AGBL4: variants seen among roughly 807,000 people sequenced by gnomAD.
AGBL4 encodes the protein cytosolic carboxypeptidase 6.
In AGBL4, 58 loss-of-function variants were observed where a neutral mutation model predicts 66.4. The ratio of observed to expected loss-of-function variants is 0.87; its 90% CI spans 0.71 to 1.09. The LOEUF is 1.09. Among genes scored for constraint, AGBL4 ranks in the 50% least tolerant of loss-of-function variants. The pLI, the probability that AGBL4 is intolerant of heterozygous loss-of-function variation, is 0.00. For synonymous variants in AGBL4, 234 were observed against 222.9 expected, an observed-to-expected ratio of 1.05 and a Z score of -0.44; for missense variants, 579 against 631.0, an observed-to-expected ratio of 0.92 and a Z score of 0.88.
intron 2 of AGBL4, among the ~76,000 whole-genome samples, chr1:49,822,934 G>T (rs1645407477): frequency 6.6e-6 from 1 of 152,168 alleles, no homozygotes; most frequent in Admixed American, 6.5e-5. Flanking sequence ...TAAGTTGAAA[G>T]AATATGTAAT....
chr1:49,251,438 C>T (rs913277809), intron 3 of AGBL4, among the ~76,000 whole-genome samples: 8 of 152,162 alleles, frequency 5.3e-5, no homozygotes, highest in African/African-American at 1.7e-4. Flanking sequence ...GCCAGTGCCC[C>T]ACCCTTGCAG....
chr1:48,807,463 T>C (rs1303230627), intron 6 of AGBL4, among the ~76,000 whole-genome samples: 3 of 152,168 alleles, frequency 2.0e-5, no homozygotes, highest in African/African-American at 7.2e-5. Flanking sequence ...GGGACATTTG[T>C]AGAGAAATAA....
At chr1:49,866,545 C>T (rs1197953764) in intron 1 of AGBL4, among the ~76,000 whole-genome samples, 2 of 152,154 alleles carry the variant, frequency 1.3e-5, no homozygotes, top group Non-Finnish European at 1.5e-5. Flanking sequence ...GGGCAGATCA[C>T]CTGAGGTCAG....
At chr1:49,053,569 T>C (rs910774797) in intron 4 of AGBL4, among the ~76,000 whole-genome samples, 1 of 152,106 alleles carries the variant, frequency 6.6e-6, no homozygotes, top group African/African-American at 2.4e-5. Flanking sequence ...TTAGGAGAAT[T>C]TGAAATATGC....
chr1:48,751,193 T>C (rs1264269745), intron 6 of AGBL4, among the ~76,000 whole-genome samples: 1 of 152,200 alleles, frequency 6.6e-6, no homozygotes, highest in Non-Finnish European at 1.5e-5. Flanking sequence ...GTCCAATTGG[T>C]ATCTTGAGGC....
chr1:49,327,695 G>A (rs180705829), intron 3 of AGBL4, among the ~76,000 whole-genome samples: 8 of 152,262 alleles, frequency 5.3e-5, no homozygotes, highest in African/African-American at 1.4e-4. Context: ...TCATAAGGGC[G>A]GAGTCCTCAT....
chr1:49,391,609 T>C (rs1217154789), intron 3 of AGBL4, among the ~76,000 whole-genome samples: 2 of 144,806 alleles, frequency 1.4e-5, no homozygotes, highest in Admixed American at 1.5e-4. Flanking sequence ...TCGCCCAGGC[T>C]GGAGTACAGT....
chr1:49,524,093 T>C (rs555412858), intron 3 of AGBL4, among the ~76,000 whole-genome samples: 166 of 152,198 alleles, frequency 1.1e-3, no homozygotes, highest in African/African-American at 3.7e-3. Context: ...ACAGTAAGTA[T>C]ATTATGCATT....
At position 48,533,938 on chromosome 1, in the gene AGBL4, A is replaced by T. The variant is rs1643929386; in HGVS notation, c.*235T>A. On this transcript the variant is annotated 3_prime_UTR_variant, in exon 14 of 14. Coordinates refer to ENST00000371839, the MANE Select transcript of AGBL4 (RefSeq NM_032785.4). ...GTTGTAGAAAATAGCATCTGTGCTC[A>T]CCTGGTTCCGATCTCCTATTTTGTT... 2 of 572,602 alleles carry T rather than the reference A, an allele frequency of 3.5e-6. No individual in the cohort carries two copies. The highest frequency in any genetic ancestry group is 6.2e-6 in the Non-Finnish European group (2 of 324,076). The allele number at this position is 572,602 out of a possible 1,614,324, so 35.5% of individuals were successfully genotyped here.
intron 2 of AGBL4, among the ~76,000 whole-genome samples, chr1:49,737,333 C>T (rs933664585): frequency 2.0e-5 from 3 of 152,062 alleles, no homozygotes; most frequent in African/African-American, 7.2e-5. Context: ...ACATATATAC[C>T]ATGAAACACT....
intron 3 of AGBL4, among the ~76,000 whole-genome samples, chr1:49,469,475 T>C (rs1260673152): frequency 6.6e-6 from 1 of 151,866 alleles, no homozygotes; most frequent in Non-Finnish European, 1.5e-5. Flanking sequence ...ATTCATATTT[T>C]AGTTAGTGCA....
At chr1:48,874,727 T>C (rs1171124678) in intron 5 of AGBL4, among the ~76,000 whole-genome samples, 2 of 152,122 alleles carry the variant, frequency 1.3e-5, no homozygotes, top group Admixed American at 1.3e-4. Flanking sequence ...AGACTGATTC[T>C]CATCTGGCTG....
At chr1:49,718,204 C>T (rs1648311487) in intron 2 of AGBL4, among the ~76,000 whole-genome samples, 1 of 151,884 alleles carries the variant, frequency 6.6e-6, no homozygotes, top group African/African-American at 2.4e-5. Flanking sequence ...TAGCATTATC[C>T]CCTTGGTGAG....
intron 9 of AGBL4, among the ~76,000 whole-genome samples, chr1:48,631,990 C>T (rs1645601695): frequency 6.6e-6 from 1 of 152,084 alleles, no homozygotes; most frequent in African/African-American, 2.4e-5. Context: ...GTCTATTTCC[C>T]CACTATATTG....
intron 11 of AGBL4, among the ~76,000 whole-genome samples, chr1:48,560,516 T>G (rs1009810327): frequency 6.6e-6 from 1 of 152,132 alleles, no homozygotes; most frequent in Non-Finnish European, 1.5e-5. Context: ...TATTTTACAT[T>G]ATGGAGAGAA....
intron 5 of AGBL4, among the ~76,000 whole-genome samples, chr1:48,979,840 C>T (rs1659607929): frequency 6.6e-6 from 1 of 151,980 alleles, no homozygotes; most frequent in East Asian, 1.9e-4. Context: ...ATGATACTTC[C>T]CAATTTTATA....
At chr1:49,356,596 A>G (rs1644024606) in intron 3 of AGBL4, among the ~76,000 whole-genome samples, 1 of 152,174 alleles carries the variant, frequency 6.6e-6, no homozygotes, top group Non-Finnish European at 1.5e-5. Context: ...TTACGGCTTT[A>G]TTTCCATTTA....
rs541510829 is a variant in AGBL4, at chr1:48,694,072, G to A, written c.635-30831C>T. Among the ~76,000 whole-genome samples, 10 of 147,066 alleles carry A rather than the reference G, an allele frequency of 6.8e-5. No homozygotes were observed. In the South Asian group the frequency reaches 1.5e-3, roughly 22 times the overall value. On this transcript the variant is annotated intron_variant, in intron 6 of 13. Transcript: ENST00000371839. ...TCAAAAAAAAAAAAAAAAAAAAAGC[G>A]GCAGAGCCTGTGGTTTGGGGTGTGG...
intron 6 of AGBL4, among the ~76,000 whole-genome samples, chr1:48,725,387 T>C (rs781765444): frequency 2.0e-5 from 3 of 152,232 alleles, no homozygotes; most frequent in Non-Finnish European, 4.4e-5. Flanking sequence ...TTGGGCAAGT[T>C]TGTGAAACAC....
Sources: allele counts gnomAD v4.1 joint callset (sites outside exome capture counted in the v4.1 genomes callset), GRCh38; gene constraint gnomAD v4.1.1; transcripts MANE v1.5; gene names NCBI Gene and HGNC (gene_info 2026-07-23, HGNC 2026-07-21).